MLIP: variants seen among roughly 807,000 people sequenced by gnomAD.
MLIP encodes the protein muscular LMNA-interacting protein.
In MLIP, 79 loss-of-function variants were observed where a neutral mutation model predicts 84.8. The ratio of observed to expected loss-of-function variants is 0.93; its 90% confidence interval spans 0.78 to 1.12. The LOEUF is 1.12. Among genes scored for constraint, MLIP ranks in the 50% most tolerant of loss-of-function variants. The probability of loss-of-function intolerance (pLI) is 0.00; values close to 1 mark genes in which losing one functional copy is unlikely to be tolerated. For synonymous variants in MLIP, 504 were observed against 463.0 expected (o/e 1.09, Z -1.14); for missense variants, 1,257 against 1,160.6 (o/e 1.08, Z -1.21).
intron 10 of MLIP, among the ~76,000 whole-genome samples, chr6:54,194,988 C>G (rs981378290): frequency 2.0e-5 from 3 of 151,808 alleles, no homozygotes; most frequent in Admixed American, 2.0e-4. Context: ...GAATTAGGGT[C>G]TATAAATCTG....
chr6:54,246,950 G>A (rs534213634), intron 12 of MLIP, among the ~76,000 whole-genome samples: 6 of 151,890 alleles, frequency 4.0e-5, no homozygotes, highest in South Asian at 2.1e-4. Context: ...TTATTTTTAC[G>A]GCAGCAACAC....
intron 4 of MLIP, among the ~76,000 whole-genome samples, chr6:54,143,872 A>C (rs1772546587): frequency 6.6e-6 from 1 of 152,206 alleles, no homozygotes; most frequent in Admixed American, 6.5e-5. Flanking sequence ...AATAATATAA[A>C]ATCTCTCCTC....
intron 5 of MLIP, among the ~76,000 whole-genome samples, chr6:54,159,466 T>C (rs1314348182): frequency 1.3e-5 from 2 of 152,080 alleles, no homozygotes; most frequent in Non-Finnish European, 2.9e-5. Context: ...TATAAAAAAC[T>C]ATCTGAAGGT....
At chr6:54,151,612 A>G (rs938620638) in intron 5 of MLIP, among the ~76,000 whole-genome samples, 4 of 152,162 alleles carry the variant, frequency 2.6e-5, no homozygotes, top group African/African-American at 7.2e-5. Flanking sequence ...TTGTAGACTC[A>G]TTATAATACT....
At chr6:54,124,085 T>C (rs190519886) in intron 2 of MLIP, among the ~76,000 whole-genome samples, 2 of 152,344 alleles carry the variant, frequency 1.3e-5, no homozygotes, top group Admixed American at 1.3e-4. Flanking sequence ...CCTTCCTCCC[T>C]TGGCTTTTAA....
intron 1 of MLIP, among the ~76,000 whole-genome samples, chr6:54,090,695 AAG>A (rs148755535): frequency 2.1e-4 from 31 of 144,610 alleles, no homozygotes; most frequent in Admixed American, 4.2e-4. Context: ...GAGACAGAGA[AAG>A]AGAGAGAGAG....
intron 1 of MLIP, among the ~76,000 whole-genome samples, chr6:54,096,516 C>T (rs1054536267): frequency 1.5e-4 from 23 of 152,040 alleles, no homozygotes; most frequent in Admixed American, 1.5e-3. Context: ...AGTGTACCTT[C>T]TCGGGGAAGC....
intron 9 of MLIP, among the ~76,000 whole-genome samples, chr6:54,185,963 G>A (rs954130214): frequency 2.6e-5 from 4 of 152,112 alleles, no homozygotes; most frequent in Admixed American, 6.5e-5. Flanking sequence ...TTAGAGAAGC[G>A]GAGCACTTAG....
chr6:54,110,675 T>C (rs549536325), upstream of MLIP, among the ~76,000 whole-genome samples: 4 of 152,366 alleles, frequency 2.6e-5, no homozygotes, highest in Admixed American at 2.6e-4. Flanking sequence ...GTCCTTTGGA[T>C]ACAACACTTT....
chr6:54,226,862 G>T (rs1299632647), intron 11 of MLIP, among the ~76,000 whole-genome samples: 1 of 152,148 alleles, frequency 6.6e-6, no homozygotes, highest in Non-Finnish European at 1.5e-5. Context: ...TTGGAGGTGG[G>T]GTGACTAACT....
intron 1 of MLIP, among the ~76,000 whole-genome samples, chr6:54,058,753 G>A (rs1765800323): frequency 6.6e-6 from 1 of 152,188 alleles, no homozygotes; most frequent in South Asian, 2.1e-4. Context: ...ACAAAAAATT[G>A]TTAGTGACAT....
intron 12 of MLIP, among the ~76,000 whole-genome samples, chr6:54,231,760 C>T (rs1228677017): frequency 6.6e-6 from 1 of 152,072 alleles, no homozygotes; most frequent in Non-Finnish European, 1.5e-5. Flanking sequence ...TATCTACCTC[C>T]AGTTAAATAC....
Position 54,209,106 on chromosome 6 carries a change from C to T in MLIP, c.2718+6873C>T, listed in dbSNP as rs550201796. Among the ~76,000 whole-genome samples the T allele has an allele frequency of 4.6e-5, 7 of 152,238 alleles. No individual in the cohort carries two copies. The East Asian group carries it at 1.4e-3, about 29-fold the overall frequency. On this transcript the variant is annotated intron_variant, in intron 11 of 13. Coordinates refer to ENST00000502396, the MANE Select transcript of MLIP (RefSeq NM_001281747.2). ...TTAAAAACATTTTACAATCTCTCAACCTTGGCGATATTGGCATATATTTTA... is the reference window on the plus strand; with the variant it reads ...TTAAAAACATTTTACAATCTCTCAATCTTGGCGATATTGGCATATATTTTA...
intron 1 of MLIP, among the ~76,000 whole-genome samples, chr6:54,072,999 C>T (rs186230950): frequency 6.6e-6 from 1 of 152,142 alleles, no homozygotes; most frequent in Non-Finnish European, 1.5e-5. Flanking sequence ...ACTTTTGCCA[C>T]CCCCTTCCCT....
chr6:54,109,991 C>CTT (rs11444915), upstream of MLIP, among the ~76,000 whole-genome samples: 26 of 69,346 alleles, frequency 3.7e-4, no homozygotes, highest in South Asian at 4.7e-3. Flanking sequence ...TTTTCTTTTT[C>CTT]TTTTTTTTTT....
intron 4 of MLIP, among the ~76,000 whole-genome samples, chr6:54,142,983 T>C (rs1457444139): frequency 6.6e-6 from 1 of 152,144 alleles, no homozygotes; most frequent in Non-Finnish European, 1.5e-5. Flanking sequence ...TTTATCTCAC[T>C]GTCATTTACT....
chr6:54,246,617 C>A (rs563114403), intron 12 of MLIP, among the ~76,000 whole-genome samples: 1 of 152,032 alleles, frequency 6.6e-6, no homozygotes, highest in East Asian at 1.9e-4. Context: ...GCTACATAAC[C>A]TTAATTCTAC....
intron 5 of MLIP, among the ~76,000 whole-genome samples, chr6:54,149,761 T>C (rs1208965989): frequency 3.3e-5 from 5 of 152,112 alleles, no homozygotes; most frequent in Admixed American, 2.6e-4. Context: ...AGATTTTTGC[T>C]TTGCTATTAA....
chr6:54,195,638 G>C (rs1434153877), intron 10 of MLIP, among the ~76,000 whole-genome samples: 2 of 152,172 alleles, frequency 1.3e-5, no homozygotes, highest in South Asian at 2.1e-4. Context: ...TCAAGTATGA[G>C]TGTATACCTG....
Sources: allele counts gnomAD v4.1 joint callset (sites outside exome capture counted in the v4.1 genomes callset), GRCh38; gene constraint gnomAD v4.1.1; transcripts MANE v1.5; gene names NCBI Gene and HGNC (gene_info 2026-07-23, HGNC 2026-07-21).